VPS13C: variants seen among roughly 807,000 people sequenced by gnomAD.
The protein encoded by VPS13C is intermembrane lipid transfer protein VPS13C.
In VPS13C, 358 loss-of-function variants were observed where a neutral mutation model predicts 456.8. The observed-to-expected ratio is 0.78, with a 90% CI of 0.72 to 0.86. VPS13C has a LOEUF of 0.86. VPS13C is among the 40% of genes least tolerant of loss of function. VPS13C has a pLI of 0.00. For synonymous variants in VPS13C, 1,578 were observed against 1,486.7 expected, an observed-to-expected ratio of 1.06 and a Z score of -1.41; for missense variants, 4,818 against 4,385.4, an observed-to-expected ratio of 1.10 and a Z score of -2.79.
At chr15:61,915,276 T>C (rs1318787066) in intron 61 of VPS13C, among the ~76,000 whole-genome samples, 2 of 152,212 alleles carry the variant, frequency 1.3e-5, no homozygotes, top group East Asian at 1.9e-4. Context: ...GCTTCACACA[T>C]AGGAAGGCTC....
chr15:61,948,000 A>T (rs1279136214), intron 42 of VPS13C, among the ~76,000 whole-genome samples: 1 of 152,224 alleles, frequency 6.6e-6, no homozygotes, highest in Non-Finnish European at 1.5e-5. Flanking sequence ...TTTTCCTAAA[A>T]ATCTGTCTTG....
At position 61,918,220 on chromosome 15, in the gene VPS13C, T is replaced by C. The variant is rs2043535598; in HGVS notation, c.7676A>G (p.Lys2559Arg). 6.3e-7 allele frequency: 1 copy of C among 1,591,152 alleles called. No individual in the cohort carries two copies. The highest frequency in any genetic ancestry group is 1.4e-5 in the African/African-American group (1 of 73,706). Residue 2559 changes from lysine (K) to arginine (R), a missense_variant, in exon 59 of 85, where the codon AAA (lysine) becomes AGA (arginine). By Grantham distance (26) the Lys-to-Arg change is conservative. This residue lies in a region of VPS13C where 4,552 missense variants were observed against 4,130.6 expected (regional missense o/e 1.10). Transcript: ENST00000644861. ...CAATAGCTTAACATTCTTAACAAAT[T>C]TATAGATGATAAATGCAATGGAGAA... ...NHFSIAFIIY[K>R]FVKNVKLLER...
At chr15:61,928,650 C>A (rs1021483229) in intron 51 of VPS13C, among the ~76,000 whole-genome samples, 1 of 152,128 alleles carries the variant, frequency 6.6e-6, no homozygotes, top group Admixed American at 6.5e-5. Flanking sequence ...GAGGCAGAGG[C>A]GGGCGGATTG....
intron 35 of VPS13C, among the ~76,000 whole-genome samples, chr15:61,960,190 T>G (rs2045146600): frequency 6.6e-6 from 1 of 152,148 alleles, no homozygotes; most frequent in South Asian, 2.1e-4. Flanking sequence ...GTAAGTTCAA[T>G]CAAACCATGA....
chr15:61,988,998 A>C (rs1567078937), intron 18 of VPS13C, among the ~76,000 whole-genome samples: 1 of 152,170 alleles, frequency 6.6e-6, no homozygotes, highest in African/African-American at 2.4e-5. Context: ...AAAGACTTTT[A>C]AACAGGACAC....
At chr15:61,903,684 G>A (rs2043070742) in intron 66 of VPS13C, among the ~76,000 whole-genome samples, 2 of 152,124 alleles carry the variant, frequency 1.3e-5, no homozygotes, top group Non-Finnish European at 2.9e-5. Flanking sequence ...AATAGCCAAA[G>A]TAATCCTGAG....
chr15:61,882,940 A>C (rs1354830774), intron 68 of VPS13C, among the ~76,000 whole-genome samples: 1 of 152,160 alleles, frequency 6.6e-6, no homozygotes, highest in Non-Finnish European at 1.5e-5. Flanking sequence ...AGATCGTGAA[A>C]CTTTTCAAGT....
At chr15:61,916,161 T>A in intron 60 of VPS13C, 139 bp from the exon 61 acceptor site, 2 of 1,024,232 alleles carry the variant, frequency 2.0e-6, no homozygotes, top group Non-Finnish European at 2.7e-6. Flanking sequence ...GCTTACATAT[T>A]ACAAATGTCC....
At chr15:62,000,673 T>C (rs1373436884) in intron 15 of VPS13C, 47 bp from the exon 16 acceptor site, 3 of 1,522,260 alleles carry the variant, frequency 2.0e-6, no homozygotes, top group African/African-American at 2.8e-5. Flanking sequence ...AATCATTAGA[T>C]AAAAGAAATT....
chr15:61,968,358 G>C (rs1042818425), intron 28 of VPS13C, among the ~76,000 whole-genome samples: 1 of 151,902 alleles, frequency 6.6e-6, no homozygotes, highest in African/African-American at 2.4e-5. Flanking sequence ...CATTTACAAT[G>C]TATTAGGTAT....
chr15:61,974,856 G>A (rs186702746), intron 24 of VPS13C, among the ~76,000 whole-genome samples: 2 of 152,068 alleles, frequency 1.3e-5, no homozygotes, highest in African/African-American at 4.8e-5. Flanking sequence ...TGTCTCCTCT[G>A]ATTAAAATGT....
At chr15:61,856,489 G>A (rs772753476) in intron 82 of VPS13C, 80 bp from the exon 83 acceptor site, 12 of 1,530,628 alleles carry the variant, frequency 7.8e-6, no homozygotes, top group African/African-American at 2.8e-5. Flanking sequence ...CCTACTGGAT[G>A]GCAGAGGTAG....
chr15:61,882,900 A>G (rs1449193392), intron 68 of VPS13C, among the ~76,000 whole-genome samples, 164 bp from the exon 69 acceptor site: 1 of 152,154 alleles, frequency 6.6e-6, no homozygotes, highest in Non-Finnish European at 1.5e-5. Context: ...AAGCAAAAGC[A>G]CCACTTTTCT....
intron 1 of VPS13C, among the ~76,000 whole-genome samples, chr15:62,057,933 A>G (rs1006158758): frequency 1.3e-5 from 2 of 152,254 alleles, no homozygotes; most frequent in Non-Finnish European, 2.9e-5. Flanking sequence ...AGAGAGTAAC[A>G]TTTGATGGCA....
At chr15:62,046,607 C>G (rs1011560787) in intron 1 of VPS13C, among the ~76,000 whole-genome samples, 1 of 152,170 alleles carries the variant, frequency 6.6e-6, no homozygotes, top group African/African-American at 2.4e-5. Context: ...TGTGACTGTT[C>G]TACCTAGTCA....
At chr15:61,901,456 T>A (rs1466489287) in intron 66 of VPS13C, among the ~76,000 whole-genome samples, 4 of 151,820 alleles carry the variant, frequency 2.6e-5, no homozygotes, top group African/African-American at 9.7e-5. Flanking sequence ...GCAAAGGACA[T>A]GAACAGACAC....
chr15:61,859,554 C>T (rs1283806835), intron 82 of VPS13C, among the ~76,000 whole-genome samples: 3 of 152,158 alleles, frequency 2.0e-5, no homozygotes, highest in Non-Finnish European at 1.5e-5. Flanking sequence ...TATGCCTCCA[C>T]TTGCCTCTAG....
chr15:61,890,850 C>T (rs2042629041), intron 66 of VPS13C, among the ~76,000 whole-genome samples: 1 of 152,140 alleles, frequency 6.6e-6, no homozygotes, highest in African/African-American at 2.4e-5. Context: ...AGTTCGAGAC[C>T]AGCCTGGCCA....
chr15:62,015,725 A>G (rs2047214163), intron 9 of VPS13C, among the ~76,000 whole-genome samples: 1 of 124,910 alleles, frequency 8.0e-6, no homozygotes, highest in Non-Finnish European at 1.6e-5. Flanking sequence ...GAATTGAACA[A>G]TGAGATCACA....
Sources: allele counts gnomAD v4.1 joint callset (sites outside exome capture counted in the v4.1 genomes callset), GRCh38; gene constraint gnomAD v4.1.1; regional missense constraint gnomAD v4.1.1; transcripts MANE v1.5; gene names NCBI Gene and HGNC (gene_info 2026-07-23, HGNC 2026-07-21).